Variants in SLC6A19 observed in about 807,000 individuals in gnomAD.
SLC6A19 encodes the protein sodium-dependent neutral amino acid transporter B(0)AT1.
SLC6A19 carries 67 observed loss-of-function variants against 68.3 expected under a neutral mutation model. The observed-to-expected ratio is 0.98, with a 90% CI of 0.81 to 1.20. SLC6A19 has a LOEUF of 1.20. SLC6A19 is among the 50% of genes most tolerant of loss of function. SLC6A19 has a pLI of 0.00. For synonymous variants in SLC6A19, 392 were observed against 374.9 expected, an observed-to-expected ratio of 1.05 and a Z score of -0.53; for missense variants, 813 against 851.6, an observed-to-expected ratio of 0.95 and a Z score of 0.56.
intron 5 of SLC6A19, 90 bp from the exon 6 acceptor site, chr5:1,213,863 G>T: frequency 6.3e-7 from 1 of 1,588,472 alleles, no homozygotes; most frequent in Non-Finnish European, 8.5e-7. Flanking sequence ...CAATAGCCTC[G>T]ACCCTCCCCG....
chr5:1,216,270 AGCTCTATAACCAGAGT>A (rs1746203604), intron 6 of SLC6A19, among the ~76,000 whole-genome samples: 2 of 152,304 alleles, frequency 1.3e-5, no homozygotes, highest in African/African-American at 2.4e-5. Context: ...AAGAGACCTG[AGCTCTATAACCAGAGT>A]GGTCTGGGGA....
Position 1,213,985 on chromosome 5 carries a change from G to A in SLC6A19, c.807G>A (p.Leu269=). ...AGCTGGCCCAGCCGGACACCTGGCT[G>A]GACGCGGGCGCACAGGTCTTCTTCT... ...VTELAQPDTW[L]DAGAQVFFSF... is the part of the protein sequence containing the mutation. The change falls in exon 6 of 12, where the codon CTG becomes CTA. Residue 269 remains leucine, a synonymous_variant. Coordinates refer to ENST00000304460, the MANE Select transcript of SLC6A19 (RefSeq NM_001003841.3). 2 of 1,613,566 alleles carry A rather than the reference G, an allele frequency of 1.2e-6. No homozygotes were observed. Among genetic ancestry groups the A allele is most frequent in the Non-Finnish European group, 8.5e-7 (1 of 1,180,006 alleles).
chr5:1,221,598 C>G, intron 11 of SLC6A19, 103 bp from the exon 12 acceptor site: 1 of 1,458,280 alleles, frequency 6.9e-7, no homozygotes, highest in Non-Finnish European at 9.5e-7. Flanking sequence ...CCTGCCTGCC[C>G]CACAGGACAG....
At position 1,221,262 on chromosome 5, in the gene SLC6A19, C is replaced by A. The variant is rs763114840; in HGVS notation, c.1650C>A (p.Phe550Leu). ...LLMLIIFLFF[F>L]VVEVSQELTY... ...TGCTGATCATCTTCCTCTTCTTCTT[C>A]GTGGTAGAGGTCAGTCAGGAGCTGA... The change falls in exon 11 of 12, where the codon TTC becomes TTA. Residue 550 changes from phenylalanine to leucine, a missense_variant. By Grantham distance (22) the Phe-to-Leu change is conservative (BLOSUM62 0). Transcript: ENST00000304460. 6.2e-7 allele frequency: 1 copy of A among 1,614,108 alleles called. No homozygotes were observed. Among genetic ancestry groups the A allele is most frequent in the Admixed American group, 1.7e-5 (1 of 60,026 alleles).
At position 1,219,506 on chromosome 5, in the gene SLC6A19, C is replaced by A. The variant is rs774369073; in HGVS notation, c.1380C>A (p.Gly460=). The part of the protein sequence containing the change: ...PPKWPKEVLT[G]LICLGTFLIG... ...GCAGCTCTGTCCCCCGGCCTGCAGG[C>A]CTCATCTGCCTGGGGACATTCCTCA... The change falls in exon 10 of 12, where the codon GGC becomes GGA. Residue 460 remains glycine (G), a splice_region_variant and synonymous_variant. Coordinates refer to ENST00000304460, the MANE Select transcript of SLC6A19 (RefSeq NM_001003841.3). The A allele has an allele frequency of 6.2e-7, 1 of 1,611,176 alleles. No individual in the cohort carries two copies. The highest frequency in any genetic ancestry group is 1.7e-5 in the Admixed American group (1 of 60,026).
In SLC6A19 at chr5:1,203,175, G is replaced by T. The variant is rs555577552; in HGVS notation, c.202+1323G>T. Among the ~76,000 whole-genome samples the T allele has an allele frequency of 5.3e-5, 8 of 152,324 alleles. 1 individual carries two copies. In the East Asian group the frequency reaches 9.7e-4, roughly 18 times the overall value. The stretch of plus-strand genomic sequence containing the variant: ...GGGGCAGACACATGCCTCCTGGGAA[G>T]AGGAGGGGTTGGGACTGCCTGAGCC... On this transcript the variant is annotated intron_variant, in intron 1 of 11. Coordinates refer to ENST00000304460, the MANE Select transcript of SLC6A19 (RefSeq NM_001003841.3).
intron 1 of SLC6A19, among the ~76,000 whole-genome samples, 156 bp downstream of exon 1, chr5:1,202,008 C>T (rs370334201): frequency 1.3e-5 from 2 of 152,178 alleles, no homozygotes; most frequent in Non-Finnish European, 2.9e-5. Context: ...GGGGCCCCCA[C>T]GGGCCCCCGT....
intron 3 of SLC6A19, among the ~76,000 whole-genome samples, 153 bp downstream of exon 3, chr5:1,210,734 G>T (rs1203754502): frequency 1.3e-5 from 2 of 152,232 alleles, no homozygotes; most frequent in Non-Finnish European, 2.9e-5. Flanking sequence ...CGAAAGAAAA[G>T]ACCTTAAAAG....
chr5:1,209,587 C>G lies in SLC6A19; in HGVS notation c.343+701C>G, dbSNP rs1579510816. ...TATCCAAGACCTCCCTCCTCCCTCT[C>G]TCTTCCTCTCTCTGTCTCTCCCTCT... is the stretch of plus-strand genomic sequence containing the variant. On this transcript the variant is annotated intron_variant, in intron 2 of 11. Transcript: ENST00000304460. The surrounding 1 kb of genome is among the most constrained non-coding windows in gnomAD (Gnocchi z 5.5). 6.6e-6 allele frequency among the ~76,000 whole-genome samples: 1 copy of G among 152,042 alleles called. No homozygotes were observed. Among genetic ancestry groups the G allele is most frequent in the Non-Finnish European group, 1.5e-5 (1 of 67,996 alleles).
At chr5:1,202,970 T>G (rs1211113523) in intron 1 of SLC6A19, among the ~76,000 whole-genome samples, 1 of 151,978 alleles carries the variant, frequency 6.6e-6, no homozygotes, top group East Asian at 1.9e-4. Flanking sequence ...GATACTATAG[T>G]CCCTGACAGT....
intron 10 of SLC6A19, 98 bp from the exon 11 acceptor site, chr5:1,221,053 G>T (rs139906681): frequency 2.7e-6 from 4 of 1,495,400 alleles, no homozygotes; most frequent in South Asian, 1.2e-5. Context: ...CGGGCACCTC[G>T]CAGCACACCA....
In SLC6A19 at chr5:1,214,811, G is replaced by A. The variant is rs919144253; in HGVS notation, c.887+746G>A. On this transcript the variant is annotated intron_variant, in intron 6 of 11. Coordinates refer to ENST00000304460, the MANE Select transcript of SLC6A19 (RefSeq NM_001003841.3). The surrounding 1 kb of genome is among the most constrained non-coding windows in gnomAD (Gnocchi z 7.4). ...ACACAGGGGACCCTCAGTGCAAGGG[G>A]GCAGGGCCTGGGTAGGGAGGGTGGG... Among the ~76,000 whole-genome samples the A allele has an allele frequency of 3.3e-5, 5 of 151,040 alleles. No homozygotes were observed. Among genetic ancestry groups the A allele is most frequent in the African/African-American group, 1.2e-4 (5 of 40,994 alleles).
At position 1,224,613 on chromosome 5, in the gene SLC6A19, A is replaced by C. The variant is rs1239361038; in HGVS notation, c.*2709A>C. 2 of 152,394 alleles carry C rather than the reference A, an allele frequency of 1.3e-5. No homozygotes were observed. The highest frequency in any genetic ancestry group is 4.8e-5 in the African/African-American group (2 of 41,464). The allele number at this position is 152,394 out of a possible 1,614,324, so 9.4% of individuals were successfully genotyped here. On this transcript the variant is annotated 3_prime_UTR_variant, in exon 12 of 12. Transcript: ENST00000304460. The stretch of plus-strand genomic sequence containing the variant: ...TCTCACTCAAATAAGAACCTTCCAA[A>C]AATGTGTCCACCTGGGCCCCTGCCC...
intron 1 of SLC6A19, among the ~76,000 whole-genome samples, chr5:1,207,917 G>A (rs1333605158): frequency 1.3e-5 from 2 of 152,214 alleles, no homozygotes; most frequent in African/African-American, 2.4e-5. Flanking sequence ...AGCTGAAGGT[G>A]TCCTTTTAGA....
Position 1,216,770 on chromosome 5 carries a change from G to A in SLC6A19, c.1017-19G>A, listed in dbSNP as rs762592769. 6.2e-7 allele frequency: 1 copy of A among 1,613,714 alleles called. No homozygotes were observed. The highest frequency in any genetic ancestry group is 8.5e-7 in the Non-Finnish European group (1 of 1,180,032). ...CCTCCCTGGCCCCAGGTGGCCGTCA[G>A]CCTCAATCTGACCCGCAGGAACATC... is the stretch of plus-strand genomic sequence containing the variant. On this transcript the variant is annotated intron_variant, in intron 7 of 11. Transcript: ENST00000304460.
Position 1,214,168 on chromosome 5 carries a change from G to A in SLC6A19, c.887+103G>A, listed in dbSNP as rs1449066852. On this transcript the variant is annotated intron_variant, in intron 6 of 11. Transcript: ENST00000304460. The surrounding 1 kb of genome is among the most constrained non-coding windows in gnomAD (Gnocchi z 7.4). ...GAAAGCACTCTGTGGCTGTGTGGCC[G>A]GGGCCTTGCTGCCCCGATGGGCCCG... is the stretch of plus-strand genomic sequence containing the variant. The A allele has an allele frequency of 1.8e-5, 28 of 1,567,428 alleles. No individual in the cohort carries two copies. The highest frequency in any genetic ancestry group is 2.3e-5 in the East Asian group (1 of 42,582).
At chr5:1,202,752 T>G (rs1745751594) in intron 1 of SLC6A19, among the ~76,000 whole-genome samples, 1 of 152,206 alleles carries the variant, frequency 6.6e-6, no homozygotes, top group African/African-American at 2.4e-5. Flanking sequence ...GCCCTGTTCC[T>G]TCTCACCATG....
chr5:1,213,830 G>C (rs1166241333), intron 5 of SLC6A19, 123 bp from the exon 6 acceptor site: 2 of 1,497,700 alleles, frequency 1.3e-6, no homozygotes, highest in Non-Finnish European at 1.8e-6. Flanking sequence ...ACCCCAGGGG[G>C]CCCTGGCCTG....
chr5:1,219,651 T>C lies in SLC6A19; in HGVS notation c.1525T>C (p.Tyr509His), dbSNP rs779984900. The C allele has an allele frequency of 6.2e-7, 1 of 1,605,892 alleles. No individual in the cohort carries two copies. The highest frequency in any genetic ancestry group is 8.5e-7 in the Non-Finnish European group (1 of 1,179,990). Residue 509 changes from tyrosine to histidine, a missense_variant, in exon 10 of 12, where the codon TAC (tyrosine) becomes CAC (histidine). Physicochemically the swap from Tyr to His is moderately conservative, Grantham distance 83 (BLOSUM62 2). Transcript: ENST00000304460. ...CGAGATGTTCTCTGTGGTCTACGTG[T>C]ACGGTGTGGACAGGTAGGGGCCACG... ...FCEMFSVVYV[Y>H]GVDRFNKDIE...
Sources: gnomAD v4.1 joint callset for allele counts (sites outside exome capture counted in the v4.1 genomes callset) on GRCh38, gnomAD v4.1.1 for gene constraint, Gnocchi (gnomAD v3.1) non-coding constraint, MANE v1.5 for transcripts, NCBI Gene and HGNC (gene_info 2026-07-23, HGNC 2026-07-21) for gene names.